Variants in ASAP2 observed in about 807,000 individuals in gnomAD.
ASAP2 encodes arf-GAP with SH3 domain, ANK repeat and PH domain-containing protein 2.
A neutral mutation model predicts 131.4 loss-of-function variants in ASAP2; 45 were observed. The ratio of observed to expected loss-of-function variants is 0.34; its 90% CI spans 0.27 to 0.44. ASAP2 has a LOEUF of 0.44. Ranked by LOEUF, ASAP2 falls within the 20% of genes least tolerant of loss-of-function variation. The pLI, the probability that ASAP2 is intolerant of heterozygous loss-of-function variation, is 1.00. For synonymous variants in ASAP2, 510 were observed against 503.0 expected (o/e 1.01, Z -0.19); for missense variants, 1,011 against 1,297.0 (o/e 0.78, Z 3.39).
intron 3 of ASAP2, among the ~76,000 whole-genome samples, chr2:9,317,763 C>G (rs1219172057): frequency 6.6e-6 from 1 of 151,746 alleles, no homozygotes; most frequent in Non-Finnish European, 1.5e-5. Context: ...CACATCCGTA[C>G]ACAATCACAC....
At chr2:9,394,927 G>A (rs1415139855) in intron 24 of ASAP2, among the ~76,000 whole-genome samples, 2 of 152,188 alleles carry the variant, frequency 1.3e-5, no homozygotes, top group African/African-American at 4.8e-5. Context: ...CACGCCCCCC[G>A]TGGTAGCTGA....
rs138272038 is a variant in ASAP2, at chr2:9,356,310, C to T, written c.1292C>T (p.Thr431Met). 4.1e-5 allele frequency: 66 copies of T among 1,610,176 alleles called. No individual in the cohort carries two copies. The African/African-American group carries it at 6.3e-4, about 15-fold the overall frequency. The change falls in exon 14 of 28, where the codon ACG becomes ATG. Residue 431 changes from threonine (T) to methionine (M), a missense_variant. Coordinates refer to ENST00000281419, the MANE Select transcript of ASAP2 (RefSeq NM_003887.3). ...KEIISEVQRMTGNDVCCDCGA... is the reference protein window; with the variant it reads ...KEIISEVQRMMGNDVCCDCGA... The stretch of plus-strand genomic sequence containing the variant: ...ATCATCTCAGAAGTGCAGAGGATGA[C>T]GGGCAATGACGTCTGCTGTGACTGT...
chr2:9,240,987 G>A (rs1663922019), intron 1 of ASAP2, among the ~76,000 whole-genome samples: 1 of 152,228 alleles, frequency 6.6e-6, no homozygotes, highest in African/African-American at 2.4e-5. Flanking sequence ...TCCCGCGTGG[G>A]AGGCAGGACG....
chr2:9,332,875 G>A (rs1183380907), intron 7 of ASAP2, among the ~76,000 whole-genome samples: 7 of 152,146 alleles, frequency 4.6e-5, no homozygotes, highest in African/African-American at 7.2e-5. Flanking sequence ...AGAAAAAAAC[G>A]TATTAAAATA....
intron 1 of ASAP2, among the ~76,000 whole-genome samples, chr2:9,278,674 G>A (rs1366622200): frequency 2.6e-5 from 4 of 152,130 alleles, no homozygotes; most frequent in Admixed American, 6.5e-5. Flanking sequence ...GACAACTGCC[G>A]TGTAGTAGCT....
intron 7 of ASAP2, among the ~76,000 whole-genome samples, chr2:9,333,763 G>A (rs1038091368): frequency 2.0e-5 from 3 of 152,134 alleles, no homozygotes; most frequent in Non-Finnish European, 4.4e-5. Context: ...CCTCTCAAAA[G>A]GGTTACACAC....
intron 5 of ASAP2, among the ~76,000 whole-genome samples, chr2:9,321,789 A>C (rs1429190666): frequency 6.6e-6 from 1 of 152,208 alleles, no homozygotes; most frequent in African/African-American, 2.4e-5. Flanking sequence ...ATCGAGACAC[A>C]CATGGGTAGG....
intron 1 of ASAP2, among the ~76,000 whole-genome samples, chr2:9,223,002 TC>T (rs963098159): frequency 5.9e-5 from 9 of 152,294 alleles, no homozygotes; most frequent in African/African-American, 2.2e-4. Context: ...CTTTAAAAGA[TC>T]CTGTTCCATC....
chr2:9,266,636 T>C (rs761203330), intron 1 of ASAP2, among the ~76,000 whole-genome samples: 1 of 152,180 alleles, frequency 6.6e-6, no homozygotes, highest in Non-Finnish European at 1.5e-5. Flanking sequence ...CACCCCGTTC[T>C]AGTCAAGATG....
intron 21 of ASAP2, among the ~76,000 whole-genome samples, chr2:9,386,497 A>G (rs1675271782): frequency 6.6e-6 from 1 of 152,228 alleles, no homozygotes; most frequent in South Asian, 2.1e-4. Context: ...AGTCCAAGGA[A>G]AAGCACAAGA....
chr2:9,218,151 C>T (rs1479331867), intron 1 of ASAP2, among the ~76,000 whole-genome samples: 1 of 152,058 alleles, frequency 6.6e-6, no homozygotes, highest in Non-Finnish European at 1.5e-5. Context: ...TCTTTTAATG[C>T]CCCACCTGTC....
At chr2:9,233,851 C>T (rs1220755052) in intron 1 of ASAP2, among the ~76,000 whole-genome samples, 2 of 151,712 alleles carry the variant, frequency 1.3e-5, no homozygotes, top group African/African-American at 4.8e-5. Flanking sequence ...TGGCTCACGC[C>T]TGTAATCCCA....
intron 6 of ASAP2, among the ~76,000 whole-genome samples, chr2:9,326,141 G>A (rs1670461473): frequency 6.6e-6 from 1 of 152,222 alleles, no homozygotes; most frequent in South Asian, 2.1e-4. Context: ...AGCACTTTGG[G>A]AGGCTGAGGT....
chr2:9,388,368 T>A lies in ASAP2; in HGVS notation c.2205T>A (p.Ala735=). ...QLGSNQLQSN[A]VSLARDAANL... ...GCTCCAACCAGCTTCAGTCTAACGC[T>A]GTATCTTTGGCCAGAGATGCTGCAA... The change falls in exon 22 of 28, where the codon GCT becomes GCA. Residue 735 remains alanine, a synonymous_variant. Transcript: ENST00000281419. 5.0e-6 allele frequency: 8 copies of A among 1,614,136 alleles called. No individual in the cohort carries two copies. The highest frequency in any genetic ancestry group is 6.8e-6 in the Non-Finnish European group (8 of 1,180,022).
At chr2:9,334,191 T>G (rs1344935648) in intron 7 of ASAP2, among the ~76,000 whole-genome samples, 1 of 145,638 alleles carries the variant, frequency 6.9e-6, no homozygotes, top group African/African-American at 2.6e-5. Context: ...CTTTTTGTAT[T>G]TTTGTATTTG....
intron 20 of ASAP2, among the ~76,000 whole-genome samples, chr2:9,382,854 G>A (rs1674969977): frequency 6.6e-6 from 1 of 152,228 alleles, no homozygotes; most frequent in African/African-American, 2.4e-5. Context: ...CTTGCCTGCT[G>A]CATAGATTAA....
Position 9,350,862 on chromosome 2 carries a change from C to A in ASAP2, c.1078C>A (p.Pro360Thr). 6.2e-7 allele frequency: 1 copy of A among 1,613,456 alleles called. No individual in the cohort carries two copies. The highest frequency in any genetic ancestry group is 8.5e-7 in the Non-Finnish European group (1 of 1,179,612). Residue 360 changes from proline (P) to threonine (T), a missense_variant, in exon 12 of 28, where the codon CCT (proline) becomes ACT (threonine). Physicochemically the swap from Pro to Thr is conservative, Grantham distance 38. Coordinates refer to ENST00000281419, the MANE Select transcript of ASAP2 (RefSeq NM_003887.3). Reference sequence around the variant, plus strand: ...GCTAACCTGCCAGGTGAAGACCAACCCTGAGGAGAAGAAGTGCTTTGACCT... The same window carrying A: ...GCTAACCTGCCAGGTGAAGACCAACACTGAGGAGAAGAAGTGCTTTGACCT... Reference protein sequence around the residue: ...NLLTCQVKTNPEEKKCFDLIS... With the variant: ...NLLTCQVKTNTEEKKCFDLIS...
intron 15 of ASAP2, among the ~76,000 whole-genome samples, chr2:9,362,732 CT>C (rs1165167158): frequency 2.0e-5 from 3 of 152,104 alleles, no homozygotes; most frequent in Non-Finnish European, 4.4e-5. Context: ...GTCCCAGCTA[CT>C]TGGGAGGCTG....
chr2:9,352,179 A>G lies in ASAP2; in HGVS notation c.1111+1284A>G, dbSNP rs182017791. Among the ~76,000 whole-genome samples, 21 of 152,156 alleles carry G rather than the reference A, an allele frequency of 1.4e-4. No homozygotes were observed. The East Asian group carries it at 3.1e-3, about 22-fold the overall frequency. Reference sequence around the variant, plus strand: ...GGAGTAGACGTCCAGCCTTGGTAACATAGCAAGACCCTAACTCTTTAAAAC... The same window carrying G: ...GGAGTAGACGTCCAGCCTTGGTAACGTAGCAAGACCCTAACTCTTTAAAAC... On this transcript the variant is annotated intron_variant, in intron 12 of 27. Transcript: ENST00000281419.
Sources: allele counts gnomAD v4.1 joint callset (sites outside exome capture counted in the v4.1 genomes callset), GRCh38; gene constraint gnomAD v4.1.1; transcripts MANE v1.5; gene names NCBI Gene and HGNC (gene_info 2026-07-23, HGNC 2026-07-21).